Variants in ZMYM4 observed in about 807,000 individuals in gnomAD.
ZMYM4 encodes the protein zinc finger MYM-type containing 4.
In ZMYM4, 31 loss-of-function variants were observed where a neutral mutation model predicts 183.2. The ratio of observed to expected loss-of-function variants is 0.17; its 90% CI spans 0.13 to 0.23. The LOEUF is 0.23. Ranked by LOEUF, ZMYM4 falls within the 10% of genes least tolerant of loss-of-function variation. The pLI, the probability that ZMYM4 is intolerant of heterozygous loss-of-function variation, is 1.00. For missense variants in ZMYM4, 1,273 were observed against 1,840.3 expected (o/e 0.69, Z 5.64); for synonymous variants, 592 against 631.2 (o/e 0.94, Z 0.93).
intron 1 of ZMYM4, among the ~76,000 whole-genome samples, chr1:35,290,234 C>T (rs1208212205): frequency 1.3e-5 from 2 of 152,144 alleles, no homozygotes; most frequent in African/African-American, 4.8e-5. Flanking sequence ...TCCCAAAATG[C>T]TGGGATTACA....
chr1:35,411,893 GTTTT>G (rs925417895), intron 26 of ZMYM4, among the ~76,000 whole-genome samples: 7 of 151,818 alleles, frequency 4.6e-5, no homozygotes, highest in African/African-American at 1.7e-4. Context: ...TTGTTTGTTT[GTTTT>G]TTTGAGACGG....
chr1:35,405,264 G>A (rs1644981897), intron 24 of ZMYM4, 70 bp downstream of exon 24: 2 of 1,584,208 alleles, frequency 1.3e-6, no homozygotes, highest in Non-Finnish European at 1.7e-6. Context: ...ACTGAAAAGG[G>A]ATACATTTTA....
chr1:35,274,053 T>C (rs575421239), intron 1 of ZMYM4, among the ~76,000 whole-genome samples: 6 of 152,332 alleles, frequency 3.9e-5, no homozygotes, highest in African/African-American at 1.4e-4. Context: ...ATAAAATAAT[T>C]GCAAAAGATT....
At chr1:35,302,200 C>CTTTGTTTTT (rs1641312895) in intron 1 of ZMYM4, among the ~76,000 whole-genome samples, 1 of 58,556 alleles carries the variant, frequency 1.7e-5, no homozygotes, top group African/African-American at 6.4e-5. Flanking sequence ...ACGGCTCTTG[C>CTTTGTTTTT]TTTTTTTTTT....
At chr1:35,304,288 T>A (rs1008861259) in intron 1 of ZMYM4, among the ~76,000 whole-genome samples, 3 of 152,096 alleles carry the variant, frequency 2.0e-5, no homozygotes, top group African/African-American at 4.8e-5. Flanking sequence ...TCTCCCAAAG[T>A]GCTGGGAGTA....
intron 13 of ZMYM4, among the ~76,000 whole-genome samples, chr1:35,388,146 A>G (rs1217052108): frequency 1.3e-5 from 2 of 152,228 alleles, no homozygotes; most frequent in Non-Finnish European, 2.9e-5. Flanking sequence ...ACCAAAGAAG[A>G]AATACATTTA....
intron 1 of ZMYM4, among the ~76,000 whole-genome samples, chr1:35,272,764 A>G (rs1323065822): frequency 6.6e-6 from 1 of 152,102 alleles, no homozygotes; most frequent in Non-Finnish European, 1.5e-5. Context: ...GCTGGAGTGC[A>G]GTGGCGCTAT....
At chr1:35,341,146 T>C (rs1256752910) in intron 2 of ZMYM4, among the ~76,000 whole-genome samples, 1 of 152,154 alleles carries the variant, frequency 6.6e-6, no homozygotes, top group Non-Finnish European at 1.5e-5. Flanking sequence ...ATTTTTAAAT[T>C]ACTGTGTATT....
intron 2 of ZMYM4, among the ~76,000 whole-genome samples, chr1:35,343,800 G>T (rs1056766199): frequency 2.6e-5 from 4 of 151,408 alleles, no homozygotes; most frequent in African/African-American, 9.7e-5. Flanking sequence ...GGAGGCGGAG[G>T]TTGCAGTGAG....
At chr1:35,383,083 TTGA>T (rs1162394788) in intron 9 of ZMYM4, among the ~76,000 whole-genome samples, 5 of 152,174 alleles carry the variant, frequency 3.3e-5, no homozygotes, top group East Asian at 3.9e-4. Context: ...TATTTGTGAA[TTGA>T]TGAGGTGTGC....
intron 1 of ZMYM4, among the ~76,000 whole-genome samples, chr1:35,297,753 C>G (rs373569102): frequency 6.6e-6 from 1 of 152,260 alleles, no homozygotes; most frequent in East Asian, 1.9e-4. Flanking sequence ...AACTGTGATG[C>G]CCCTGCATAT....
chr1:35,380,387 G>C (rs1043096292), intron 7 of ZMYM4, among the ~76,000 whole-genome samples: 2 of 151,826 alleles, frequency 1.3e-5, no homozygotes, highest in Non-Finnish European at 2.9e-5. Context: ...GAGTGCAGTG[G>C]CACAATCTTG....
chr1:35,348,429 C>A (rs987719127), intron 2 of ZMYM4, among the ~76,000 whole-genome samples: 2 of 152,180 alleles, frequency 1.3e-5, no homozygotes, highest in Non-Finnish European at 2.9e-5. Context: ...TGATACACTT[C>A]GCTTTCTGTT....
At chr1:35,285,688 T>C (rs1640448058) in intron 1 of ZMYM4, among the ~76,000 whole-genome samples, 1 of 152,156 alleles carries the variant, frequency 6.6e-6, no homozygotes, top group Non-Finnish European at 1.5e-5. Context: ...TAGGAGGATG[T>C]GTGTAGGTTA....
intron 1 of ZMYM4, among the ~76,000 whole-genome samples, chr1:35,274,099 TTCTG>T (rs1198742871): frequency 1.3e-5 from 2 of 152,232 alleles, no homozygotes; most frequent in African/African-American, 4.8e-5. Flanking sequence ...TTTTTCTCTT[TTCTG>T]TCTTTTTGCT....
At chr1:35,279,524 T>G (rs929640627) in intron 1 of ZMYM4, among the ~76,000 whole-genome samples, 1 of 152,212 alleles carries the variant, frequency 6.6e-6, no homozygotes, top group Non-Finnish European at 1.5e-5. Context: ...TTTCTAACAG[T>G]GAATTTCCTA....
Position 35,272,467 on chromosome 1 carries a change from G to A in ZMYM4, c.39+3382G>A, listed in dbSNP as rs117731157. On this transcript the variant is annotated intron_variant, in intron 1 of 29. Coordinates refer to ENST00000314607, the MANE Select transcript of ZMYM4 (RefSeq NM_005095.3). Reference sequence around the variant, plus strand: ...TCTATTTCATTGCTTTTTGCGTCTGGACATCTTGTGACCTCTACACAGTAG... The same window carrying A: ...TCTATTTCATTGCTTTTTGCGTCTGAACATCTTGTGACCTCTACACAGTAG... Among the ~76,000 whole-genome samples, 25 of 152,204 alleles carry A rather than the reference G, an allele frequency of 1.6e-4. No individual in the cohort carries two copies. The East Asian group carries it at 4.8e-3, about 29-fold the overall frequency.
At chr1:35,415,131 C>T (rs1293309571) in intron 27 of ZMYM4, among the ~76,000 whole-genome samples, 1 of 152,190 alleles carries the variant, frequency 6.6e-6, no homozygotes, top group Non-Finnish European at 1.5e-5. Flanking sequence ...TCTACAGCTC[C>T]TTAGTTTCTA....
At chr1:35,300,219 G>A (rs1641217704) in intron 1 of ZMYM4, among the ~76,000 whole-genome samples, 1 of 152,138 alleles carries the variant, frequency 6.6e-6, no homozygotes. Flanking sequence ...ATTTAGCTCT[G>A]GGAAGTCAGT....
Sources: allele counts gnomAD v4.1 joint callset (sites outside exome capture counted in the v4.1 genomes callset), GRCh38; gene constraint gnomAD v4.1.1; transcripts MANE v1.5; gene names NCBI Gene and HGNC (gene_info 2026-07-23, HGNC 2026-07-21).